Variants in KCNH7 observed in about 807,000 individuals in gnomAD.
KCNH7 encodes voltage-gated inwardly rectifying potassium channel KCNH7.
A neutral mutation model predicts 120.8 loss-of-function variants in KCNH7; 49 were observed. That is an observed-to-expected ratio of 0.41 (90% CI 0.32 to 0.51). The LOEUF is 0.51. Ranked by LOEUF, KCNH7 falls within the 20% of genes least tolerant of loss-of-function variation. KCNH7 has a pLI of 0.38. For missense variants in KCNH7, 1,097 were observed against 1,446.6 expected, an observed-to-expected ratio of 0.76 and a Z score of 3.92; for synonymous variants, 547 against 516.1, an observed-to-expected ratio of 1.06 and a Z score of -0.81.
intron 2 of KCNH7, among the ~76,000 whole-genome samples, chr2:162,685,046 G>C (rs767698308): frequency 1.2e-4 from 18 of 151,876 alleles, no homozygotes; most frequent in Non-Finnish European, 2.6e-4. Context: ...TGTCCTTTGC[G>C]GGGACATGGA....
chr2:162,616,567 A>G (rs1683147730), intron 2 of KCNH7, among the ~76,000 whole-genome samples: 1 of 151,968 alleles, frequency 6.6e-6, no homozygotes, highest in South Asian at 2.1e-4. Flanking sequence ...ATTCCCTTCC[A>G]GTTTTCCTGC....
intron 2 of KCNH7, among the ~76,000 whole-genome samples, chr2:162,626,091 A>G (rs1683544564): frequency 6.6e-6 from 1 of 152,142 alleles, no homozygotes; most frequent in Non-Finnish European, 1.5e-5. Context: ...TTTTATTTAT[A>G]TTAATATGTA....
intron 2 of KCNH7, among the ~76,000 whole-genome samples, chr2:162,698,101 T>C (rs1366469024): frequency 6.6e-6 from 1 of 152,178 alleles, no homozygotes; most frequent in Non-Finnish European, 1.5e-5. Flanking sequence ...AGTTCATCTT[T>C]TCTCTAATTA....
rs139282329 is a variant in KCNH7, at chr2:162,401,056, A to T, written c.2155-615T>A. Among the ~76,000 whole-genome samples the T allele has an allele frequency of 1.8e-3, 272 of 152,010 alleles. 1 individual carries two copies. Among genetic ancestry groups the T allele is most frequent in the African/African-American group, 6.0e-3 (251 of 41,512 alleles). ...GAGAAAGGCGAGGAGAACAGCAAAG[A>T]CACTTTAAAAGTGTAGTCCGATATT... On this transcript the variant is annotated intron_variant, in intron 9 of 15. Transcript: ENST00000332142.
At chr2:162,787,762 AC>A (rs1683765900) in intron 2 of KCNH7, among the ~76,000 whole-genome samples, 1 of 151,490 alleles carries the variant, frequency 6.6e-6, no homozygotes, top group African/African-American at 2.4e-5. Flanking sequence ...ATCTCAGTAG[AC>A]CCTGGTGTCA....
chr2:162,536,822 A>G, intron 3 of KCNH7, 103 bp downstream of exon 3: 2 of 1,126,876 alleles, frequency 1.8e-6, no homozygotes, highest in Non-Finnish European at 2.5e-6. Context: ...TTTACTTCAA[A>G]TATAAAGATA....
At chr2:162,758,567 G>A (rs1688866017) in intron 2 of KCNH7, among the ~76,000 whole-genome samples, 1 of 151,506 alleles carries the variant, frequency 6.6e-6, no homozygotes. Flanking sequence ...ACATATATAT[G>A]TGTATAAGTA....
At chr2:162,690,041 T>G (rs555160247) in intron 2 of KCNH7, among the ~76,000 whole-genome samples, 1 of 152,140 alleles carries the variant, frequency 6.6e-6, no homozygotes. Flanking sequence ...TGGAATAATA[T>G]GCAACCATAA....
chr2:162,697,174 C>A (rs1024042434), intron 2 of KCNH7, among the ~76,000 whole-genome samples: 2 of 152,054 alleles, frequency 1.3e-5, no homozygotes, highest in African/African-American at 4.8e-5. Flanking sequence ...TTATATCCCT[C>A]CTGAGAAAAG....
At chr2:162,540,258 C>A (rs931605322) in intron 2 of KCNH7, among the ~76,000 whole-genome samples, 2 of 150,192 alleles carry the variant, frequency 1.3e-5, no homozygotes, top group African/African-American at 5.0e-5. Flanking sequence ...ATTATACATG[C>A]AAATATACTA....
In KCNH7 at chr2:162,653,445, C is replaced by T. The variant is rs1363756969; in HGVS notation, c.308-116365G>A. Among the ~76,000 whole-genome samples, 3 of 152,170 alleles carry T rather than the reference C, an allele frequency of 2.0e-5. No homozygotes were observed. In the East Asian group the frequency reaches 5.8e-4, roughly 29 times the overall value. On this transcript the variant is annotated intron_variant, in intron 2 of 15. Transcript: ENST00000332142. The stretch of plus-strand genomic sequence containing the variant: ...GTTCTATACATGAACAATGAACTAT[C>T]CAGAAAAGAAATCAAGAAAACAATC...
chr2:162,488,039 G>C (rs530248944), intron 6 of KCNH7, among the ~76,000 whole-genome samples: 4 of 152,166 alleles, frequency 2.6e-5, no homozygotes, highest in Non-Finnish European at 4.4e-5. Context: ...CTCAGGCCAG[G>C]AGGGCAAAGG....
In KCNH7 at chr2:162,512,766, CA is replaced by C. The variant is rs774326219; in HGVS notation, c.893-93del. On this transcript the variant is annotated intron_variant, in intron 4 of 15. Coordinates refer to ENST00000332142, the MANE Select transcript of KCNH7 (RefSeq NM_033272.4). ...ACTGAATTACCTGTATAAAAACAATCAGAGAAATCAGAATATGATGGAAAAT... is the reference window on the plus strand; with the variant it reads ...ACTGAATTACCTGTATAAAAACAATCGAGAAATCAGAATATGATGGAAAAT... 85 of 958,650 alleles carry C rather than the reference CA, an allele frequency of 8.9e-5. No individual in the cohort carries two copies. The East Asian group carries it at 1.4e-3, about 16-fold the overall frequency. 59.4% of individuals were successfully genotyped at this position (958,650 alleles called of 1,614,324 possible).
intron 2 of KCNH7, among the ~76,000 whole-genome samples, chr2:162,645,658 T>A (rs1416350005): frequency 2.0e-5 from 3 of 152,170 alleles, no homozygotes; most frequent in Non-Finnish European, 1.5e-5. Context: ...CCATGTGTAT[T>A]TCTCCCCTAC....
At chr2:162,667,322 C>A (rs941587728) in intron 2 of KCNH7, among the ~76,000 whole-genome samples, 4 of 151,988 alleles carry the variant, frequency 2.6e-5, no homozygotes, top group Admixed American at 2.6e-4. Flanking sequence ...TGCCCGGACT[C>A]CATCCATTCT....
At chr2:162,609,786 C>T (rs1200887118) in intron 2 of KCNH7, among the ~76,000 whole-genome samples, 4 of 152,082 alleles carry the variant, frequency 2.6e-5, no homozygotes, top group Non-Finnish European at 4.4e-5. Flanking sequence ...ATAGCGACTC[C>T]TGAATAGTCA....
chr2:162,701,592 AT>A (rs1487970766), intron 2 of KCNH7, among the ~76,000 whole-genome samples: 1 of 152,202 alleles, frequency 6.6e-6, no homozygotes, highest in African/African-American at 2.4e-5. Flanking sequence ...CATATAACAC[AT>A]TGTATTCAAA....
chr2:162,743,814 A>G (rs1297155264), intron 2 of KCNH7, among the ~76,000 whole-genome samples: 1 of 152,172 alleles, frequency 6.6e-6, no homozygotes, highest in Non-Finnish European at 1.5e-5. Flanking sequence ...CCTTAATCAC[A>G]GAGTAAGAAT....
At chr2:162,713,940 G>A (rs1211934433) in intron 2 of KCNH7, among the ~76,000 whole-genome samples, 1 of 152,000 alleles carries the variant, frequency 6.6e-6, no homozygotes, top group Admixed American at 6.6e-5. Flanking sequence ...GAAGAGATGG[G>A]GTTTTACCAT....
Sources: gnomAD v4.1 joint callset for allele counts (sites outside exome capture counted in the v4.1 genomes callset) on GRCh38, gnomAD v4.1.1 for gene constraint, MANE v1.5 for transcripts, NCBI Gene and HGNC (gene_info 2026-07-23, HGNC 2026-07-21) for gene names.